Variants in CMTM8 observed in about 807,000 individuals in gnomAD.
CMTM8 encodes the protein CKLF like MARVEL transmembrane domain containing 8.
A neutral mutation model predicts 18.6 loss-of-function variants in CMTM8; 12 were observed. The observed-to-expected ratio is 0.65, with a 90% CI of 0.41 to 1.05. The LOEUF (loss-of-function observed/expected upper bound fraction) is 1.05. Ranked by LOEUF, CMTM8 falls within the 50% of genes least tolerant of loss-of-function variation. CMTM8 has a pLI of 0.00. For missense variants in CMTM8, 217 were observed against 227.2 expected, an observed-to-expected ratio of 0.95 and a Z score of 0.29; for synonymous variants, 87 against 90.6, an observed-to-expected ratio of 0.96 and a Z score of 0.23.
At chr3:32,327,450 T>A (rs948293593) in intron 1 of CMTM8, among the ~76,000 whole-genome samples, 20 of 152,238 alleles carry the variant, frequency 1.3e-4, no homozygotes, top group African/African-American at 4.8e-4. Context: ...CAATAATTCA[T>A]CATCCTCCAA....
At chr3:32,336,998 G>A (rs903582917) in intron 1 of CMTM8, among the ~76,000 whole-genome samples, 1 of 152,122 alleles carries the variant, frequency 6.6e-6, no homozygotes, top group Non-Finnish European at 1.5e-5. Context: ...GAGTTTTGAG[G>A]CGGTGCAGGG....
chr3:32,352,204 C>CAA (rs754856970), intron 1 of CMTM8, among the ~76,000 whole-genome samples: 11 of 65,928 alleles, frequency 1.7e-4, no homozygotes, highest in South Asian at 4.6e-4. Flanking sequence ...CACACACTCA[C>CAA]AAAAAAAAAA....
chr3:32,242,460 C>T (rs918282385), intron 1 of CMTM8, among the ~76,000 whole-genome samples: 1 of 151,936 alleles, frequency 6.6e-6, no homozygotes, highest in Non-Finnish European at 1.5e-5. Context: ...CCAGCTGTGA[C>T]CACAGGCATG....
intron 1 of CMTM8, among the ~76,000 whole-genome samples, chr3:32,248,403 C>T (rs143832991): frequency 9.5e-4 from 144 of 152,218 alleles, no homozygotes; most frequent in Non-Finnish European, 1.8e-3. Flanking sequence ...ACTTTGTTGC[C>T]CAGGCTGGGG....
chr3:32,328,644 A>G (rs537942121), intron 1 of CMTM8, among the ~76,000 whole-genome samples: 1 of 152,198 alleles, frequency 6.6e-6, no homozygotes, highest in East Asian at 1.9e-4. Flanking sequence ...AAAAATAACA[A>G]CTATCAGAAG....
intron 1 of CMTM8, among the ~76,000 whole-genome samples, chr3:32,356,636 G>A (rs768568716): frequency 3.3e-5 from 5 of 152,162 alleles, no homozygotes; most frequent in African/African-American, 4.8e-5. Flanking sequence ...AGCTGTCTCA[G>A]ACCACATGTT....
intron 1 of CMTM8, among the ~76,000 whole-genome samples, chr3:32,289,037 T>C (rs1376706501): frequency 6.6e-6 from 1 of 152,094 alleles, no homozygotes; most frequent in Non-Finnish European, 1.5e-5. Flanking sequence ...ATCAGCTGCA[T>C]ACAGGGGCCA....
chr3:32,305,921 T>C (rs948729895), intron 1 of CMTM8, among the ~76,000 whole-genome samples: 6 of 152,230 alleles, frequency 3.9e-5, no homozygotes, highest in African/African-American at 1.4e-4. Flanking sequence ...ATTCAGTTCT[T>C]TTCCAGTTAA....
Position 32,261,788 on chromosome 3 carries a change from T to C in CMTM8, c.147+22669T>C, listed in dbSNP as rs189983984. ...TCAACCACACCCTTGTGGAGTTCAG[T>C]GTGAAACAAATGCCATCCGATTGCT... On this transcript the variant is annotated intron_variant, in intron 1 of 3. Transcript: ENST00000307526. Among the ~76,000 whole-genome samples, 9 of 152,308 alleles carry C rather than the reference T, an allele frequency of 5.9e-5. No individual in the cohort carries two copies. In the East Asian group the frequency reaches 9.6e-4, roughly 16 times the overall value.
At chr3:32,256,389 A>G (rs1436299364) in intron 1 of CMTM8, among the ~76,000 whole-genome samples, 1 of 152,148 alleles carries the variant, frequency 6.6e-6, no homozygotes, top group African/African-American at 2.4e-5. Flanking sequence ...GTTGTTAATA[A>G]GAGACTTGAT....
intron 1 of CMTM8, among the ~76,000 whole-genome samples, chr3:32,251,323 A>T (rs1274907376): frequency 2.6e-5 from 4 of 151,378 alleles, no homozygotes; most frequent in Non-Finnish European, 4.4e-5. Context: ...TAATTCATTC[A>T]TTTTTTTTGA....
At chr3:32,246,599 G>T (rs1702019128) in intron 1 of CMTM8, among the ~76,000 whole-genome samples, 1 of 152,076 alleles carries the variant, frequency 6.6e-6, no homozygotes, top group African/African-American at 2.4e-5. Context: ...TATATTACCT[G>T]TTTTCATCAA....
At chr3:32,254,036 G>A (rs1702146319) in intron 1 of CMTM8, among the ~76,000 whole-genome samples, 1 of 152,124 alleles carries the variant, frequency 6.6e-6, no homozygotes, top group Non-Finnish European at 1.5e-5. Context: ...TGTGATCACA[G>A]GTGCACACCA....
intron 1 of CMTM8, among the ~76,000 whole-genome samples, chr3:32,344,764 A>G (rs1042440046): frequency 2.6e-5 from 4 of 152,036 alleles, no homozygotes; most frequent in African/African-American, 7.2e-5. Context: ...GCATGGTTGC[A>G]TGCACCTGTA....
At chr3:32,298,609 A>C (rs137967188) in intron 1 of CMTM8, among the ~76,000 whole-genome samples, 63 of 151,274 alleles carry the variant, frequency 4.2e-4, no homozygotes, top group African/African-American at 1.4e-3. Flanking sequence ...TTGCTCTCCT[A>C]TCATTCGGCT....
At chr3:32,240,024 G>A (rs1701926512) in intron 1 of CMTM8, among the ~76,000 whole-genome samples, 1 of 152,212 alleles carries the variant, frequency 6.6e-6, no homozygotes, top group Non-Finnish European at 1.5e-5. Flanking sequence ...AAGCAGTTGA[G>A]ACAGCTTCCA....
intron 1 of CMTM8, among the ~76,000 whole-genome samples, chr3:32,310,428 A>G (rs1473905516): frequency 6.6e-6 from 1 of 152,226 alleles, no homozygotes; most frequent in Non-Finnish European, 1.5e-5. Flanking sequence ...CATCCAGTAA[A>G]TAACATCTTA....
intron 1 of CMTM8, among the ~76,000 whole-genome samples, chr3:32,268,823 G>A (rs1035259868): frequency 5.9e-5 from 9 of 152,126 alleles, no homozygotes; most frequent in African/African-American, 2.2e-4. Context: ...GACCTGTGTT[G>A]GAAAACATGC....
chr3:32,343,572 T>G (rs1356814697), intron 1 of CMTM8, among the ~76,000 whole-genome samples: 1 of 152,230 alleles, frequency 6.6e-6, no homozygotes, highest in Non-Finnish European at 1.5e-5. Flanking sequence ...TGCTTTGCAT[T>G]CTTGTATCAC....
Sources: gnomAD v4.1 joint callset for allele counts (sites outside exome capture counted in the v4.1 genomes callset) on GRCh38, gnomAD v4.1.1 for gene constraint, MANE v1.5 for transcripts, NCBI Gene and HGNC (gene_info 2026-07-23, HGNC 2026-07-21) for gene names.